MMRN2: variants seen among roughly 807,000 people sequenced by gnomAD.
MMRN2 encodes the protein multimerin 2.
Under a neutral mutation model 68.8 loss-of-function variants are expected in MMRN2, and 53 were observed. The ratio of observed to expected loss-of-function variants is 0.77; its 90% CI spans 0.62 to 0.97. MMRN2 has a LOEUF of 0.97. MMRN2 is among the 50% of genes least tolerant of loss of function. The pLI is 0.00. For synonymous variants in MMRN2, 564 were observed against 551.6 expected, an observed-to-expected ratio of 1.02 and a Z score of -0.32; for missense variants, 1,266 against 1,259.5, an observed-to-expected ratio of 1.01 and a Z score of -0.08.
chr10:86,942,796 G>C lies in MMRN2; in HGVS notation c.1988C>G (p.Thr663Arg). The change falls in exon 6 of 7, where the codon ACG becomes AGG. Residue 663 changes from threonine to arginine, a missense_variant. Physicochemically the swap from Thr to Arg is moderately conservative, Grantham distance 71. Coordinates refer to ENST00000372027, the MANE Select transcript of MMRN2 (RefSeq NM_024756.3). Reference protein sequence around the residue: ...LGWDELAARVTALEQASEPPR... With the variant: ...LGWDELAARVRALEQASEPPR... ...GGGCTCCGAGGCCTGCTCCAGGGCC[G>C]TCACTCGGGCGGCCAGCTCGTCCCA... 4 of 1,359,134 alleles carry C rather than the reference G, an allele frequency of 2.9e-6. No individual in the cohort carries two copies. The highest frequency in any genetic ancestry group is 3.8e-6 in the Non-Finnish European group (4 of 1,058,280). 84.2% of individuals were successfully genotyped at this position (1,359,134 alleles called of 1,614,324 possible). A position where few individuals can be genotyped will look rare whatever the true frequency, so the allele number is the denominator to read the frequency against.
At chr10:86,955,797 AG>A (rs1844214484) in intron 1 of MMRN2, among the ~76,000 whole-genome samples, 1 of 152,176 alleles carries the variant, frequency 6.6e-6, no homozygotes, top group Non-Finnish European at 1.5e-5. Flanking sequence ...GGATGTGGGA[AG>A]GAGAGCCCTG....
chr10:86,938,047 A>G (rs1463043345), intron 6 of MMRN2, among the ~76,000 whole-genome samples: 1 of 152,062 alleles, frequency 6.6e-6, no homozygotes, highest in African/African-American at 2.4e-5. Context: ...CAATCCTCCC[A>G]CCTCAGCCAC....
chr10:86,943,197 G>T lies in MMRN2; in HGVS notation c.1587C>A (p.Asp529Glu). The change falls in exon 6 of 7, where the codon GAC becomes GAA. Residue 529 changes from aspartate to glutamate, a missense_variant. Asp to Glu is a conservative substitution (Grantham distance 45). Transcript: ENST00000372027. This position sits in a 1 kb window ranked among gnomAD's most constrained non-coding sequence, Gnocchi z 4.2. ...TCTGCAGGGCCTGCAGGGAGGAGCC[G>T]TCCAGCTGCCGCCGCTCGTCCAGGC... ...QVSLDERRQLDGSSLQALQNA... is the reference protein window; with the variant it reads ...QVSLDERRQLEGSSLQALQNA... The T allele has an allele frequency of 6.2e-7, 1 of 1,609,250 alleles. No homozygotes were observed. Among genetic ancestry groups the T allele is most frequent in the Non-Finnish European group, 8.5e-7 (1 of 1,177,566 alleles).
In MMRN2 at chr10:86,943,881, A is replaced by C. The variant is rs879419093; in HGVS notation, c.903T>G (p.Thr301=). The change falls in exon 6 of 7, where the codon ACT becomes ACG. Residue 301 remains threonine, a synonymous_variant. Coordinates refer to ENST00000372027, the MANE Select transcript of MMRN2 (RefSeq NM_024756.3). This position sits in a 1 kb window ranked among gnomAD's most constrained non-coding sequence, Gnocchi z 4.2. ...CCTGTCGCAGCTGACCCACTCTCTG[A>C]GTGTTCTCCTGGACCTTGGCCTCAA... ...AKFEAKVQEN[T]QRVGQLRQDV... 3 of 1,613,882 alleles carry C rather than the reference A, an allele frequency of 1.9e-6. No homozygotes were observed. The highest frequency in any genetic ancestry group is 2.5e-6 in the Non-Finnish European group (3 of 1,180,016).
intron 6 of MMRN2, among the ~76,000 whole-genome samples, chr10:86,940,282 T>A (rs1280447926): frequency 6.6e-6 from 1 of 152,182 alleles, no homozygotes; most frequent in Non-Finnish European, 1.5e-5. Context: ...ACTGCTGGGA[T>A]TATAGGCATG....
At chr10:86,950,630 G>A (rs1328296903) in intron 1 of MMRN2, among the ~76,000 whole-genome samples, 1 of 152,192 alleles carries the variant, frequency 6.6e-6, no homozygotes, top group Admixed American at 6.5e-5. Flanking sequence ...CACACCTGGA[G>A]GCTCTGGGAG....
chr10:86,951,919 A>G (rs11202273), intron 1 of MMRN2, among the ~76,000 whole-genome samples: 76,163 of 151,868 alleles, frequency 0.5, 19,330 homozygotes, highest in African/African-American at 0.57. Context: ...GTGGTGGTGC[A>G]CACCTCTAGT....
chr10:86,942,699 G>A lies in MMRN2; in HGVS notation c.2085C>T (p.Ala695=). 6.4e-7 allele frequency: 1 copy of A among 1,551,484 alleles called. No homozygotes were observed. Among genetic ancestry groups the A allele is most frequent in the Admixed American group, 1.8e-5 (1 of 54,648 alleles). The change falls in exon 6 of 7, where the codon GCC becomes GCT. Residue 695 remains alanine (A), a synonymous_variant. Coordinates refer to ENST00000372027, the MANE Select transcript of MMRN2 (RefSeq NM_024756.3). ...GGCTCTGGAGCTCCCGCGCCAGCCC[G>A]GCCAGGGCGGTGGTGGCGGCCTCCT... The part of the protein sequence containing the change: ...GREEAATTAL[A]GLARELQSLS...
At chr10:86,945,793 G>C (rs1472841644) in intron 1 of MMRN2, 104 bp from the exon 2 acceptor site, 1 of 1,573,520 alleles carries the variant, frequency 6.4e-7, no homozygotes, top group Admixed American at 1.8e-5. Context: ...GCAGTGCTGG[G>C]ATTCTGGAAT....
In MMRN2 at chr10:86,944,574, T is replaced by G. The variant is rs1419371535; in HGVS notation, c.482-139A>C. The G allele has an allele frequency of 5.5e-6, 5 of 915,972 alleles. No individual in the cohort carries two copies. In the East Asian group the frequency reaches 1.3e-4, roughly 24 times the overall value. The allele number at this position is 915,972 out of a possible 1,614,324, so 56.7% of individuals were successfully genotyped here. A position where few individuals can be genotyped will look rare whatever the true frequency, so the allele number is the denominator to read the frequency against. ...CCTCTGAGCAGGAGCTTAGAAGCCTTAAACCCCTGGAGGGCAAATGCATAG... is the reference window on the plus strand; with the variant it reads ...CCTCTGAGCAGGAGCTTAGAAGCCTGAAACCCCTGGAGGGCAAATGCATAG... On this transcript the variant is annotated intron_variant, in intron 4 of 6. Transcript: ENST00000372027.
intron 1 of MMRN2, among the ~76,000 whole-genome samples, chr10:86,952,360 C>T (rs1477046027): frequency 6.6e-6 from 1 of 152,238 alleles, no homozygotes; most frequent in East Asian, 1.9e-4. Context: ...AGACATCCAC[C>T]TGGGGCCCCA....
rs768574467 is a variant in MMRN2, at chr10:86,943,814, GGTGCAGGGTAAAGTGCTGGGC to G, written c.949_969del (p.Ala317_His323del). ...TCGGCTTGGAGCTCTGAGATCGAGC[GGTGCAGGGTAAAGTGCTGGGC>G]GTGCAGGCGGTCCTCCACGTCCTGT... is the stretch of plus-strand genomic sequence containing the variant. On this transcript the variant is annotated inframe_deletion, in exon 6 of 7. Transcript: ENST00000372027. This position sits in a 1 kb window ranked among gnomAD's most constrained non-coding sequence, Gnocchi z 4.2. 2.7e-5 allele frequency: 43 copies of G among 1,610,950 alleles called. No individual in the cohort carries two copies. The highest frequency in any genetic ancestry group is 5.1e-6 in the Non-Finnish European group (6 of 1,179,990).
intron 3 of MMRN2, 38 bp from the exon 4 acceptor site, chr10:86,945,306 A>G (rs1378512273): frequency 6.2e-7 from 1 of 1,612,306 alleles, no homozygotes. Flanking sequence ...CCCAGTGGTC[A>G]GAGGAGCTGC....
chr10:86,949,999 T>G (rs1844125439), intron 1 of MMRN2: 1 of 151,514 alleles, frequency 6.6e-6, no homozygotes. Flanking sequence ...ACTAGGAATT[T>G]GAGACCAGCC....
intron 1 of MMRN2, among the ~76,000 whole-genome samples, chr10:86,955,861 A>T (rs1844216646): frequency 6.6e-6 from 1 of 152,002 alleles, no homozygotes. Flanking sequence ...GGCCAGGTAC[A>T]TGCACCCTCC....
Position 86,942,425 on chromosome 10 carries a change from C to T in MMRN2, c.2359G>A (p.Asp787Asn), listed in dbSNP as rs1843985979. The T allele has an allele frequency of 6.2e-7, 1 of 1,614,220 alleles. No homozygotes were observed. Among genetic ancestry groups the T allele is most frequent in the Non-Finnish European group, 8.5e-7 (1 of 1,180,040 alleles). ...TCCCTCTTCCGGGGAGCTTCCAGGT[C>T]TTTCTGCTGCTTCTTCCCTTTCCTG... ...LSRKGKKQQK[D>N]LEAPRKRDKK... is the part of the protein sequence containing the mutation. Residue 787 changes from aspartate to asparagine, a missense_variant, in exon 6 of 7, where the codon GAC (aspartate) becomes AAC (asparagine). By Grantham distance (23) the Asp-to-Asn change is conservative. Coordinates refer to ENST00000372027, the MANE Select transcript of MMRN2 (RefSeq NM_024756.3).
In MMRN2 at chr10:86,936,719, G is replaced by T. The variant is rs1329105761; in HGVS notation, c.*24C>A. 1.2e-6 allele frequency: 2 copies of T among 1,611,166 alleles called. No homozygotes were observed. The highest frequency in any genetic ancestry group is 1.7e-6 in the Non-Finnish European group (2 of 1,178,064). ...GAGGAGAGCTGGGCGAGTCCATGAT[G>T]TCTGATCAGATTGGGGCTGGGGTTC... On this transcript the variant is annotated 3_prime_UTR_variant, in exon 7 of 7. Coordinates refer to ENST00000372027, the MANE Select transcript of MMRN2 (RefSeq NM_024756.3).
chr10:86,957,234 T>G, intron 1 of MMRN2, 144 bp downstream of exon 1: 7 of 859,096 alleles, frequency 8.1e-6, no homozygotes, highest in Non-Finnish European at 1.1e-5. Flanking sequence ...GACTACTTTT[T>G]CAGCCTCACA....
Position 86,942,437 on chromosome 10 carries a change from T to G in MMRN2, c.2347A>C (p.Lys783Gln), listed in dbSNP as rs201324324. Residue 783 changes from lysine to glutamine, a missense_variant, in exon 6 of 7, where the codon AAG (lysine) becomes CAG (glutamine). By Grantham distance (53) the Lys-to-Gln change is moderately conservative (BLOSUM62 1). Coordinates refer to ENST00000372027, the MANE Select transcript of MMRN2 (RefSeq NM_024756.3). ...LQTMLSRKGK[K>Q]QQKDLEAPRK... ...GGAGCTTCCAGGTCTTTCTGCTGCTTCTTCCCTTTCCTGCTCAGCATGGTC... is the reference window on the plus strand; with the variant it reads ...GGAGCTTCCAGGTCTTTCTGCTGCTGCTTCCCTTTCCTGCTCAGCATGGTC... 1.1e-5 allele frequency: 18 copies of G among 1,614,094 alleles called. No homozygotes were observed. The highest frequency in any genetic ancestry group is 1.4e-5 in the Non-Finnish European group (17 of 1,180,030).
Sources: allele counts gnomAD v4.1 joint callset (sites outside exome capture counted in the v4.1 genomes callset), GRCh38; gene constraint gnomAD v4.1.1; non-coding constraint Gnocchi (gnomAD v3.1); transcripts MANE v1.5; gene names NCBI Gene and HGNC (gene_info 2026-07-23, HGNC 2026-07-21).